The following TBC1D8 variants were observed in gnomAD, a reference collection of about 807,000 sequenced individuals.
The protein encoded by TBC1D8 is TBC1 domain family member 8.
Under a neutral mutation model 118.8 loss-of-function variants are expected in TBC1D8, and 65 were observed. The observed-to-expected ratio is 0.55, with a 90% CI of 0.45 to 0.67. TBC1D8 has a LOEUF of 0.67. Ranked by LOEUF, TBC1D8 falls within the 30% of genes least tolerant of loss-of-function variation. The pLI is 0.00. For missense variants in TBC1D8, 1,376 were observed against 1,471.2 expected (o/e 0.94, Z 1.06); for synonymous variants, 566 against 595.8 (o/e 0.95, Z 0.73).
chr2:101,052,617 T>G (rs765357826), intron 4 of TBC1D8, among the ~76,000 whole-genome samples: 2 of 151,868 alleles, frequency 1.3e-5, no homozygotes, highest in African/African-American at 4.8e-5. Context: ...ACTGGGACCA[T>G]AGGCGTGCAC....
intron 1 of TBC1D8, among the ~76,000 whole-genome samples, chr2:101,145,788 G>C (rs1000919971): frequency 3.9e-5 from 6 of 152,202 alleles, no homozygotes; most frequent in African/African-American, 1.4e-4. Flanking sequence ...GTGGTGAGAG[G>C]AGCCGTGTGC....
At chr2:101,150,733 T>G (rs1389504271) in intron 1 of TBC1D8, among the ~76,000 whole-genome samples, 1 of 151,982 alleles carries the variant, frequency 6.6e-6, no homozygotes, top group Non-Finnish European at 1.5e-5. Flanking sequence ...GATGGCCGAG[T>G]CCGGGCTGGC....
chr2:101,097,973 T>C (rs1033867094), intron 1 of TBC1D8, among the ~76,000 whole-genome samples: 5 of 152,168 alleles, frequency 3.3e-5, no homozygotes, highest in Non-Finnish European at 7.3e-5. Context: ...TTAAGACAAC[T>C]ACTACAAATT....
Position 101,007,460 on chromosome 2 carries a change from C to T in TBC1D8, c.*361G>A, listed in dbSNP as rs965152202. Among the ~76,000 whole-genome samples the T allele has an allele frequency of 6.6e-6, 1 of 152,156 alleles. No individual in the cohort carries two copies. Among genetic ancestry groups the T allele is most frequent in the Non-Finnish European group, 1.5e-5 (1 of 68,028 alleles). ...ATTCCTGACCTCTCCCATTGTCACT[C>T]CAAGTGAAAAATGAAAGCATGGGGC... On this transcript the variant is annotated 3_prime_UTR_variant, in exon 20 of 20. Transcript: ENST00000409318.
intron 1 of TBC1D8, among the ~76,000 whole-genome samples, chr2:101,147,296 C>T (rs1679358665): frequency 6.6e-6 from 1 of 152,174 alleles, no homozygotes; most frequent in Non-Finnish European, 1.5e-5. Flanking sequence ...GGTATCTCTT[C>T]AACATACTGA....
In TBC1D8 at chr2:101,011,807, C is replaced by T. The variant is rs567957630; in HGVS notation, c.2828-267G>A. 3.3e-5 allele frequency among the ~76,000 whole-genome samples: 5 copies of T among 152,312 alleles called. No homozygotes were observed. In the South Asian group the frequency reaches 1.0e-3, roughly 32 times the overall value. On this transcript the variant is annotated intron_variant, in intron 17 of 19. Coordinates refer to ENST00000409318, the MANE Select transcript of TBC1D8 (RefSeq NM_001330348.2). ...CAACATACACATTCATAGAAGGACA[C>T]TGCTAATACTGATTTGGAAAAAATG...
chr2:101,130,106 G>C (rs1049719253), intron 1 of TBC1D8, among the ~76,000 whole-genome samples: 1 of 152,078 alleles, frequency 6.6e-6, no homozygotes, highest in Non-Finnish European at 1.5e-5. Context: ...ACCAGGAGTC[G>C]CAACAATGAG....
intron 19 of TBC1D8, among the ~76,000 whole-genome samples, chr2:101,008,664 T>A (rs1678936068): frequency 6.6e-6 from 1 of 151,916 alleles, no homozygotes; most frequent in East Asian, 1.9e-4. Context: ...AATACAAAAT[T>A]AGCCAGGCAT....
chr2:101,137,031 CTT>C (rs34792672), intron 1 of TBC1D8, among the ~76,000 whole-genome samples: 12,317 of 121,064 alleles, frequency 0.1, 531 homozygotes, highest in East Asian at 0.26. Context: ...TAGGCTAATT[CTT>C]TTTTTTTTTT....
Position 101,022,520 on chromosome 2 carries a change from C to G in TBC1D8, c.2522G>C (p.Arg841Thr). ...CCAGTAACAGCTCATCATATGTTCT[C>G]TCTTCAAACAAGAGGGGGAAAGGGA... Reference protein sequence around the residue: ...DLEELYDLFKREHMMSCYWEQ... With the variant: ...DLEELYDLFKTEHMMSCYWEQ... The change falls in exon 16 of 20, where the codon AGA becomes ACA. Residue 841 changes from arginine (R) to threonine (T), a missense_variant and splice_region_variant. Physicochemically the swap from Arg to Thr is moderately conservative, Grantham distance 71. Transcript: ENST00000409318. The G allele has an allele frequency of 6.3e-7, 1 of 1,590,062 alleles. No homozygotes were observed. The highest frequency in any genetic ancestry group is 8.5e-7 in the Non-Finnish European group (1 of 1,174,080).
chr2:101,038,511 C>A lies in TBC1D8; in HGVS notation c.1225G>T (p.Val409Phe). Residue 409 changes from valine to phenylalanine, a missense_variant, in exon 7 of 20, where the codon GTC becomes TTC. Physicochemically the swap from Val to Phe is conservative, Grantham distance 50. Transcript: ENST00000409318. ...TAGTGCACGGGGTGGTTGGCGTGGACCTGCTTCAACCTCGCAAGCAGCGCC... is the reference window on the plus strand; with the variant it reads ...TAGTGCACGGGGTGGTTGGCGTGGAACTGCTTCAACCTCGCAAGCAGCGCC... ...VEALLARLKQ[V>F]HANHPVHYDT... 1 of 1,613,772 alleles carries A rather than the reference C, an allele frequency of 6.2e-7. No homozygotes were observed. The highest frequency in any genetic ancestry group is 8.5e-7 in the Non-Finnish European group (1 of 1,179,872).
At chr2:101,098,402 GA>G (rs1676612667) in intron 1 of TBC1D8, among the ~76,000 whole-genome samples, 1 of 151,808 alleles carries the variant, frequency 6.6e-6, no homozygotes, top group Non-Finnish European at 1.5e-5. Context: ...GAGAGACTTA[GA>G]CTGCCAAACA....
intron 11 of TBC1D8, 176 bp from the exon 12 acceptor site, chr2:101,029,952 AAGAT>A: frequency 3.3e-6 from 2 of 600,610 alleles, no homozygotes; most frequent in Admixed American, 3.2e-5. Flanking sequence ...CAATGGGTAA[AAGAT>A]AGCCTTTTTA....
At chr2:101,024,409 T>TC (rs1680217302) in intron 15 of TBC1D8, among the ~76,000 whole-genome samples, 1 of 148,410 alleles carries the variant, frequency 6.7e-6, no homozygotes, top group Non-Finnish European at 1.5e-5. Context: ...GTAATTTTTT[T>TC]TTTTTTTTTT....
At chr2:101,008,580 C>T (rs529864501) in intron 19 of TBC1D8, among the ~76,000 whole-genome samples, 13 of 152,106 alleles carry the variant, frequency 8.5e-5, no homozygotes, top group Admixed American at 7.2e-4. Flanking sequence ...TGTGGGAGGC[C>T]GAGGCAGGCG....
In TBC1D8 at chr2:101,054,657, A is replaced by ATTTTC. The variant is rs1250439389; in HGVS notation, c.403-326_403-322dup. Among the ~76,000 whole-genome samples, 44 of 46,724 alleles carry ATTTTC rather than the reference A, an allele frequency of 9.4e-4. No individual in the cohort carries two copies. In the South Asian group the frequency reaches 0.016, roughly 17 times the overall value. The allele number at this position is 46,724 out of a possible 152,430, so 30.7% of individuals were successfully genotyped here. On this transcript the variant is annotated intron_variant, in intron 3 of 19. Coordinates refer to ENST00000409318, the MANE Select transcript of TBC1D8 (RefSeq NM_001330348.2). ...AAGCCCGGTTCTCAAACAAACAATC[A>ATTTTC]TTTTCTTTTCTTTTCTTTTTTTTTT...
Position 101,011,553 on chromosome 2 carries a change from T to A in TBC1D8, c.2828-13A>T. The A allele has an allele frequency of 6.2e-7, 1 of 1,613,614 alleles. No homozygotes were observed. Among genetic ancestry groups the A allele is most frequent in the East Asian group, 2.2e-5 (1 of 44,866 alleles). ...TTTTCAGTGAGTGCTTAAAAAAAGA[T>A]GAGAGGTTTAAATTAAACAAATTTT... On this transcript the variant is annotated splice_polypyrimidine_tract_variant and intron_variant, in intron 17 of 19. Transcript: ENST00000409318.
At chr2:101,015,488 CTT>C (rs1679560204) in intron 17 of TBC1D8, among the ~76,000 whole-genome samples, 2 of 152,152 alleles carry the variant, frequency 1.3e-5, no homozygotes, top group African/African-American at 4.8e-5. Context: ...CTTTTTGACT[CTT>C]TTGTAATAAC....
chr2:101,030,676 A>C (rs1187740793), intron 11 of TBC1D8, among the ~76,000 whole-genome samples: 1 of 152,230 alleles, frequency 6.6e-6, no homozygotes, highest in East Asian at 1.9e-4. Context: ...AAATGACAGT[A>C]TATATTCATA....
Sources: allele counts gnomAD v4.1 joint callset (sites outside exome capture counted in the v4.1 genomes callset), GRCh38; gene constraint gnomAD v4.1.1; transcripts MANE v1.5; gene names NCBI Gene and HGNC (gene_info 2026-07-23, HGNC 2026-07-21).